SLC35F1: variants seen among roughly 807,000 people sequenced by gnomAD.
SLC35F1 encodes solute carrier family 35 member F1.
A neutral mutation model predicts 48.7 loss-of-function variants in SLC35F1; 14 were observed. The ratio of observed to expected loss-of-function variants is 0.29; its 90% CI spans 0.19 to 0.45. The LOEUF (loss-of-function observed/expected upper bound fraction) is 0.45. Among genes scored for constraint, SLC35F1 ranks in the 20% least tolerant of loss-of-function variants. The probability of loss-of-function intolerance (pLI) is 1.00; values close to 1 mark genes in which losing one functional copy is unlikely to be tolerated. For synonymous variants in SLC35F1, 190 were observed against 202.2 expected (o/e 0.94, Z 0.51); for missense variants, 404 against 500.0 (o/e 0.81, Z 1.83).
intron 1 of SLC35F1, among the ~76,000 whole-genome samples, chr6:117,949,825 C>T (rs746548633): frequency 1.3e-5 from 2 of 152,012 alleles, no homozygotes; most frequent in Admixed American, 6.6e-5. Context: ...AGAGGATTTA[C>T]GTTTGGTCAT....
chr6:118,089,147 A>G (rs1465394079), intron 1 of SLC35F1, among the ~76,000 whole-genome samples: 1 of 152,190 alleles, frequency 6.6e-6, no homozygotes, highest in African/African-American at 2.4e-5. Context: ...TGTGGGAAAG[A>G]GAGAGGACCC....
chr6:118,060,185 A>G (rs1772518229), intron 1 of SLC35F1, among the ~76,000 whole-genome samples: 1 of 152,112 alleles, frequency 6.6e-6, no homozygotes, highest in Non-Finnish European at 1.5e-5. Context: ...TATCTTTACC[A>G]TTGGCTTATT....
At chr6:118,280,021 G>C (rs998516939) in intron 6 of SLC35F1, among the ~76,000 whole-genome samples, 1 of 152,068 alleles carries the variant, frequency 6.6e-6, no homozygotes, top group Non-Finnish European at 1.5e-5. Context: ...TTCTTAACCC[G>C]AAGCACTTTT....
intron 3 of SLC35F1, among the ~76,000 whole-genome samples, chr6:118,245,480 G>C (rs1460213359): frequency 6.6e-6 from 1 of 152,160 alleles, no homozygotes; most frequent in African/African-American, 2.4e-5. Context: ...TGCTGTGCTG[G>C]ACACGGAGCT....
chr6:118,110,857 G>A (rs1321353908), intron 1 of SLC35F1, among the ~76,000 whole-genome samples: 1 of 151,856 alleles, frequency 6.6e-6, no homozygotes, highest in Non-Finnish European at 1.5e-5. Context: ...CCTGAATTGG[G>A]TATTTCCCTT....
At chr6:117,909,213 A>G (rs1347678046) in intron 1 of SLC35F1, among the ~76,000 whole-genome samples, 2 of 152,154 alleles carry the variant, frequency 1.3e-5, no homozygotes, top group Non-Finnish European at 2.9e-5. Context: ...CACCTTCCAA[A>G]AGATAAAGTA....
intron 4 of SLC35F1, among the ~76,000 whole-genome samples, chr6:118,270,366 T>G (rs559737463): frequency 2.4e-4 from 37 of 152,316 alleles, no homozygotes; most frequent in African/African-American, 8.7e-4. Flanking sequence ...CAGAATGATG[T>G]GCCAGGAATA....
At chr6:118,225,387 G>A (rs1562331000) in intron 2 of SLC35F1, among the ~76,000 whole-genome samples, 1 of 152,110 alleles carries the variant, frequency 6.6e-6, no homozygotes, top group Non-Finnish European at 1.5e-5. Context: ...ACATACAATG[G>A]GGAAAGGGAA....
intron 1 of SLC35F1, among the ~76,000 whole-genome samples, chr6:118,088,410 A>G (rs556660228): frequency 1.4e-4 from 22 of 152,276 alleles, no homozygotes; most frequent in Admixed American, 4.6e-4. Context: ...CCATCTGACC[A>G]TGGCCACAAA....
At chr6:117,979,135 G>T (rs1776742622) in intron 1 of SLC35F1, among the ~76,000 whole-genome samples, 1 of 152,208 alleles carries the variant, frequency 6.6e-6, no homozygotes, top group South Asian at 2.1e-4. Flanking sequence ...TGCCTTTGTG[G>T]TCAGTTTAGA....
intron 2 of SLC35F1, among the ~76,000 whole-genome samples, chr6:118,155,263 A>G (rs1338266283): frequency 6.6e-6 from 1 of 152,252 alleles, no homozygotes; most frequent in African/African-American, 2.4e-5. Flanking sequence ...GTCATGTGAT[A>G]TGCCACTGAA....
intron 7 of SLC35F1, among the ~76,000 whole-genome samples, 199 bp from the exon 8 acceptor site, chr6:118,313,829 G>T (rs1402906920): frequency 1.3e-5 from 2 of 152,160 alleles, no homozygotes; most frequent in Non-Finnish European, 2.9e-5. Flanking sequence ...TAGCCACAGG[G>T]TCTAGGAAAG....
intron 1 of SLC35F1, among the ~76,000 whole-genome samples, chr6:118,106,768 A>C (rs1331416158): frequency 6.6e-6 from 1 of 152,146 alleles, no homozygotes; most frequent in East Asian, 1.9e-4. Context: ...TCCAACTCAG[A>C]TTTTATTTTC....
intron 2 of SLC35F1, among the ~76,000 whole-genome samples, chr6:118,177,883 AT>A (rs909718927): frequency 6.6e-6 from 1 of 151,988 alleles, no homozygotes; most frequent in Non-Finnish European, 1.5e-5. Context: ...GAACACGCTG[AT>A]TTTTGGCAGA....
intron 1 of SLC35F1, among the ~76,000 whole-genome samples, chr6:117,965,593 C>G (rs997947139): frequency 2.6e-5 from 4 of 152,222 alleles, no homozygotes; most frequent in Admixed American, 2.0e-4. Context: ...GATTCCCTCA[C>G]AGAGCTGAGG....
intron 2 of SLC35F1, among the ~76,000 whole-genome samples, chr6:118,162,783 A>G (rs1477604694): frequency 6.6e-6 from 1 of 152,134 alleles, no homozygotes; most frequent in Admixed American, 6.5e-5. Flanking sequence ...GTGTTACATG[A>G]ACTATCAAGC....
At chr6:118,027,493 G>T (rs1165730889) in intron 1 of SLC35F1, among the ~76,000 whole-genome samples, 1 of 152,076 alleles carries the variant, frequency 6.6e-6, no homozygotes, top group Non-Finnish European at 1.5e-5. Context: ...TAATAGGCTT[G>T]TAATGGTATC....
chr6:118,298,592 C>T (rs148476485), intron 7 of SLC35F1, among the ~76,000 whole-genome samples: 91 of 152,216 alleles, frequency 6.0e-4, no homozygotes, highest in African/African-American at 2.1e-3. Context: ...TGAGTTCACC[C>T]AAACACCACT....
chr6:118,015,123 C>T (rs1021322199), intron 1 of SLC35F1, among the ~76,000 whole-genome samples: 1 of 152,144 alleles, frequency 6.6e-6, no homozygotes, highest in Non-Finnish European at 1.5e-5. Flanking sequence ...GTAAGACATG[C>T]TTTTCGCCTT....
Sources: allele counts gnomAD v4.1 joint callset (sites outside exome capture counted in the v4.1 genomes callset), GRCh38; gene constraint gnomAD v4.1.1; transcripts MANE v1.5; gene names NCBI Gene and HGNC (gene_info 2026-07-23, HGNC 2026-07-21).